STIM1: variants seen among roughly 807,000 people sequenced by gnomAD.
STIM1 encodes stromal interaction molecule 1.
Under a neutral mutation model 74.7 loss-of-function variants are expected in STIM1, and 25 were observed. That is an observed-to-expected ratio of 0.33 (90% CI 0.24 to 0.47). STIM1 has a LOEUF of 0.47. Among genes scored for constraint, STIM1 ranks in the 20% least tolerant of loss-of-function variants. The probability of loss-of-function intolerance (pLI) is 1.00; values close to 1 mark genes in which losing one functional copy is unlikely to be tolerated. For missense variants in STIM1, 728 were observed against 920.8 expected, an observed-to-expected ratio of 0.79 and a Z score of 2.71; for synonymous variants, 328 against 348.8, an observed-to-expected ratio of 0.94 and a Z score of 0.66.
At chr11:4,081,774 T>G (rs1590696541) in intron 7 of STIM1, among the ~76,000 whole-genome samples, 1 of 152,220 alleles carries the variant, frequency 6.6e-6, no homozygotes, top group East Asian at 1.9e-4. Context: ...ATTTTCAGAT[T>G]CCTGACCAGT....
intron 1 of STIM1, among the ~76,000 whole-genome samples, chr11:3,888,943 GT>G (rs929693574): frequency 1.3e-5 from 2 of 151,778 alleles, no homozygotes; most frequent in Admixed American, 6.6e-5. Context: ...TACTATGGGG[GT>G]GGAGCTCTGT....
chr11:3,930,673 GT>G (rs2092848582), intron 1 of STIM1, among the ~76,000 whole-genome samples: 1 of 152,166 alleles, frequency 6.6e-6, no homozygotes, highest in South Asian at 2.1e-4. Context: ...CAGAATTAGG[GT>G]TCCTGCTTCA....
At chr11:3,977,058 G>A (rs919052924) in intron 2 of STIM1, among the ~76,000 whole-genome samples, 1 of 152,162 alleles carries the variant, frequency 6.6e-6, no homozygotes, top group Non-Finnish European at 1.5e-5. Flanking sequence ...AGCTCCGAAA[G>A]TGCTGGGATT....
intron 2 of STIM1, among the ~76,000 whole-genome samples, chr11:3,997,084 G>C (rs966805828): frequency 6.6e-6 from 1 of 152,194 alleles, no homozygotes; most frequent in Non-Finnish European, 1.5e-5. Context: ...GAGTTTCTCT[G>C]TCTTTGCCAT....
intron 1 of STIM1, among the ~76,000 whole-genome samples, chr11:3,877,760 G>C (rs1461502231): frequency 3.3e-5 from 5 of 152,156 alleles, no homozygotes; most frequent in African/African-American, 7.2e-5. Context: ...AGGTTTGCCT[G>C]CCCTTGTCAT....
chr11:3,923,599 A>G (rs1308828902), intron 1 of STIM1, among the ~76,000 whole-genome samples: 2 of 135,144 alleles, frequency 1.5e-5, no homozygotes, highest in Non-Finnish European at 3.0e-5. Flanking sequence ...ACAGAGTGAG[A>G]CCCTATCTCA....
At chr11:3,935,770 C>T (rs1170042883) in intron 1 of STIM1, among the ~76,000 whole-genome samples, 1 of 152,192 alleles carries the variant, frequency 6.6e-6, no homozygotes, top group African/African-American at 2.4e-5. Context: ...TGTGAAAATA[C>T]CACACCTGGG....
intron 3 of STIM1, among the ~76,000 whole-genome samples, chr11:4,051,944 C>G (rs1443317772): frequency 2.0e-5 from 3 of 152,216 alleles, no homozygotes; most frequent in Admixed American, 6.5e-5. Context: ...AAATCATAAG[C>G]ATTCCTATAC....
intron 1 of STIM1, among the ~76,000 whole-genome samples, chr11:3,882,043 T>G (rs563886933): frequency 2.6e-5 from 4 of 151,848 alleles, no homozygotes; most frequent in Admixed American, 2.6e-4. Context: ...TAAGGGAAAG[T>G]AAGTTTTAGA....
chr11:3,874,922 T>C (rs2091258592), intron 1 of STIM1, among the ~76,000 whole-genome samples: 1 of 152,240 alleles, frequency 6.6e-6, no homozygotes, highest in Admixed American at 6.5e-5. Flanking sequence ...AATGTGCTGT[T>C]ATTTTCCTGG....
chr11:4,082,501 C>T lies in STIM1; in HGVS notation c.1137+150C>T. On this transcript the variant is annotated intron_variant, in intron 8 of 12. Transcript: ENST00000526596. Reference sequence around the variant, plus strand: ...GTTCTGTTTCTTTCCTAATGTTCAGCTCCTGACAGTGTCCTCAGGCTTCTG... The same window carrying T: ...GTTCTGTTTCTTTCCTAATGTTCAGTTCCTGACAGTGTCCTCAGGCTTCTG... 8.1e-6 allele frequency: 7 copies of T among 861,348 alleles called. No homozygotes were observed. The South Asian group carries it at 1.1e-4, about 14-fold the overall frequency. 53.4% of individuals were successfully genotyped at this position (861,348 alleles called of 1,614,324 possible).
intron 2 of STIM1, among the ~76,000 whole-genome samples, chr11:4,019,641 A>C (rs2093937202): frequency 6.6e-6 from 1 of 152,114 alleles, no homozygotes; most frequent in East Asian, 1.9e-4. Context: ...ACAACAACAA[A>C]AAACCCCACC....
chr11:3,984,817 G>C (rs1360692095), intron 2 of STIM1, among the ~76,000 whole-genome samples: 2 of 152,160 alleles, frequency 1.3e-5, no homozygotes, highest in Non-Finnish European at 2.9e-5. Flanking sequence ...GATACTCTTT[G>C]CCATGAACAA....
At chr11:4,004,324 G>C (rs1010349657) in intron 2 of STIM1, among the ~76,000 whole-genome samples, 2 of 151,972 alleles carry the variant, frequency 1.3e-5, no homozygotes, top group African/African-American at 2.4e-5. Flanking sequence ...CACGCTACCT[G>C]ACTTCAAACT....
intron 2 of STIM1, among the ~76,000 whole-genome samples, chr11:3,982,353 G>A (rs2093514648): frequency 6.6e-6 from 1 of 152,142 alleles, no homozygotes; most frequent in Non-Finnish European, 1.5e-5. Context: ...TAAACTCTGT[G>A]AACTTTCATT....
chr11:3,897,764 G>A (rs1369476070), intron 1 of STIM1, among the ~76,000 whole-genome samples: 1 of 151,952 alleles, frequency 6.6e-6, no homozygotes, highest in Non-Finnish European at 1.5e-5. Context: ...AATATGTGGT[G>A]TTTGGTTTTT....
intron 1 of STIM1, among the ~76,000 whole-genome samples, chr11:3,940,455 T>C (rs141999613): frequency 5.9e-5 from 9 of 152,320 alleles, no homozygotes; most frequent in African/African-American, 2.2e-4. Context: ...CTGTAGGCCA[T>C]TGGCAAGTTA....
intron 2 of STIM1, among the ~76,000 whole-genome samples, chr11:4,005,432 G>C: frequency 6.6e-6 from 1 of 152,110 alleles, no homozygotes. Flanking sequence ...CCTTTGTAGG[G>C]ACATGGATGA....
intron 1 of STIM1, among the ~76,000 whole-genome samples, chr11:3,920,751 ATGG>A (rs1345913895): frequency 6.6e-6 from 1 of 151,888 alleles, no homozygotes; most frequent in Non-Finnish European, 1.5e-5. Flanking sequence ...TCTGGGACAG[ATGG>A]TGGAGAGTAG....
Sources: gnomAD v4.1 joint callset for allele counts (sites outside exome capture counted in the v4.1 genomes callset) on GRCh38, gnomAD v4.1.1 for gene constraint, MANE v1.5 for transcripts, NCBI Gene and HGNC (gene_info 2026-07-23, HGNC 2026-07-21) for gene names.